The following LPP variants were observed in gnomAD, a reference collection of about 807,000 sequenced individuals.
LPP encodes LIM domain containing preferred translocation partner in lipoma, also known as lipoma-preferred partner.
LPP carries 38 observed loss-of-function variants against 60.4 expected under a neutral mutation model. The observed-to-expected ratio is 0.63, with a 90% CI of 0.49 to 0.83. The LOEUF (loss-of-function observed/expected upper bound fraction) is 0.83, where lower values mean the gene tolerates loss of function less well. LPP is among the 40% of genes least tolerant of loss of function. The pLI, the probability that LPP is intolerant of heterozygous loss-of-function variation, is 0.00. For synonymous variants in LPP, 328 were observed against 290.8 expected (o/e 1.13, Z -1.30); for missense variants, 902 against 783.6 (o/e 1.15, Z -1.80).
rs535529695 is a variant in LPP at position 188,422,641 on chromosome 3, A to G, written c.193+16328A>G. On this transcript the variant is annotated intron_variant, in intron 4 of 11. Transcript: ENST00000617246. The stretch of plus-strand genomic sequence containing the variant: ...AGAAAAAGAACAGGAACTCCTAACA[A>G]CCTAAAATGCATGCCTTGTGCAATA... Among the ~76,000 whole-genome samples, 6 of 152,238 alleles carry G rather than the reference A, an allele frequency of 3.9e-5. No individual in the cohort carries two copies. The South Asian group carries it at 1.2e-3, about 32-fold the overall frequency.
At chr3:188,186,464 A>T (rs1438569551) in intron 1 of LPP, among the ~76,000 whole-genome samples, 2 of 152,176 alleles carry the variant, frequency 1.3e-5, no homozygotes, top group South Asian at 2.1e-4. Context: ...GCATTTAATG[A>T]TCTTCAAAAG....
chr3:188,687,775 C>CTTTTTTTTTT lies in LPP; in HGVS notation c.1114-20484_1114-20475dup, dbSNP rs61574227. 1.2e-3 allele frequency among the ~76,000 whole-genome samples: 153 copies of CTTTTTTTTTT among 127,128 alleles called. 4 individuals carry two copies. The highest frequency in any genetic ancestry group is 3.5e-3 in the African/African-American group (119 of 33,860). 83.4% of individuals were successfully genotyped at this position (127,128 alleles called of 152,430 possible). ...CCTGTCTAACCAGCTGTCTTATACT[C>CTTTTTTTTTT]TTTTTTTTTTTTTTTTTGAGATGAA... On this transcript the variant is annotated intron_variant, in intron 7 of 11. Transcript: ENST00000617246.
chr3:188,161,208 T>C (rs1560071328), intron 1 of LPP, among the ~76,000 whole-genome samples: 1 of 152,016 alleles, frequency 6.6e-6, no homozygotes. Context: ...AGGAGGGCCT[T>C]GTTGGATCTG....
intron 5 of LPP, among the ~76,000 whole-genome samples, chr3:188,511,908 T>C (rs1268580527): frequency 6.6e-6 from 1 of 152,208 alleles, no homozygotes; most frequent in African/African-American, 2.4e-5. Flanking sequence ...CTAGTAATAT[T>C]GCTGGCTTGT....
chr3:188,271,584 G>A (rs575022883), intron 2 of LPP, among the ~76,000 whole-genome samples: 9 of 152,168 alleles, frequency 5.9e-5, no homozygotes, highest in Non-Finnish European at 1.0e-4. Flanking sequence ...GTGGACTACG[G>A]TCACTTTCAC....
intron 2 of LPP, among the ~76,000 whole-genome samples, chr3:188,229,368 C>T (rs1471933368): frequency 6.6e-6 from 1 of 152,154 alleles, no homozygotes; most frequent in African/African-American, 2.4e-5. Context: ...TTTACAATTG[C>T]CGACTGTCGC....
At chr3:188,399,337 C>A (rs534735623) in intron 3 of LPP, among the ~76,000 whole-genome samples, 5 of 150,752 alleles carry the variant, frequency 3.3e-5, no homozygotes, top group Admixed American at 1.3e-4. Context: ...CAGGAAGGTA[C>A]TGACTTTTGT....
At chr3:188,586,344 G>A (rs971714682) in intron 6 of LPP, among the ~76,000 whole-genome samples, 27 of 152,086 alleles carry the variant, frequency 1.8e-4, no homozygotes, top group Admixed American at 1.8e-3. Flanking sequence ...AATGAGATAT[G>A]ATTATGGTTT....
chr3:188,765,861 C>CTTTTTTTT lies in LPP; in HGVS notation c.1410+5598_1410+5605dup, dbSNP rs71169019. 1.9e-4 allele frequency among the ~76,000 whole-genome samples: 18 copies of CTTTTTTTT among 92,628 alleles called. 1 individual carries two copies. The highest frequency in any genetic ancestry group is 5.2e-4 in the Admixed American group (4 of 7,746). 60.8% of individuals were successfully genotyped at this position (92,628 alleles called of 152,430 possible). A position where few individuals can be genotyped will look rare whatever the true frequency, so the allele number is the denominator to read the frequency against. On this transcript the variant is annotated intron_variant, in intron 9 of 11. Transcript: ENST00000617246. ...GCAACGTGCAACTTAATGTTCAACT[C>CTTTTTTTT]TTTTTTTTTTTTTTTTTTTTTTTTT...
At chr3:188,360,907 C>CA (rs1769111080) in intron 3 of LPP, among the ~76,000 whole-genome samples, 2 of 152,162 alleles carry the variant, frequency 1.3e-5, no homozygotes. Flanking sequence ...TGCAGAAGCT[C>CA]ATGAAAAAGG....
intron 2 of LPP, among the ~76,000 whole-genome samples, chr3:188,300,369 G>A (rs1277257597): frequency 1.3e-5 from 2 of 151,098 alleles, no homozygotes; most frequent in Non-Finnish European, 2.9e-5. Context: ...TGTGACGAAC[G>A]ATTGTGACTA....
chr3:188,760,593 A>C (rs1189781302), intron 9 of LPP, among the ~76,000 whole-genome samples: 3 of 152,172 alleles, frequency 2.0e-5, no homozygotes, highest in Admixed American at 6.5e-5. Flanking sequence ...GTACAAGCTA[A>C]AATTTTCTTT....
Position 188,883,286 on chromosome 3 carries a change from T to C in LPP, c.*8807T>C. ...GAAGGATGTTCTGAGGGCCAGACAT[T>C]AGAATTTGTGAGTTTTTTTGTTGCT... On this transcript the variant is annotated 3_prime_UTR_variant, in exon 12 of 12. Coordinates refer to ENST00000617246, the MANE Select transcript of LPP (RefSeq NM_001375462.1). 4.7e-6 allele frequency: 1 copy of C among 213,950 alleles called. No individual in the cohort carries two copies. The highest frequency in any genetic ancestry group is 9.5e-6 in the Non-Finnish European group (1 of 105,798). 13.3% of individuals were successfully genotyped at this position (213,950 alleles called of 1,614,324 possible).
At chr3:188,682,288 A>G (rs1362762937) in intron 7 of LPP, among the ~76,000 whole-genome samples, 1 of 152,252 alleles carries the variant, frequency 6.6e-6, no homozygotes, top group African/African-American at 2.4e-5. Context: ...CATGATGCAT[A>G]TGCAAGAAAT....
intron 5 of LPP, among the ~76,000 whole-genome samples, chr3:188,506,270 G>A (rs1341651655): frequency 6.6e-6 from 1 of 152,082 alleles, no homozygotes; most frequent in African/African-American, 2.4e-5. Context: ...CAAAAATGAG[G>A]ATATTAATAA....
At chr3:188,584,387 T>C (rs942267811) in intron 6 of LPP, 2 of 152,160 alleles carry the variant, frequency 1.3e-5, no homozygotes, top group South Asian at 2.1e-4. Flanking sequence ...GAAAACTTTT[T>C]CCGTAGGTTG....
chr3:188,804,282 T>TAA (rs1404069103), intron 9 of LPP, among the ~76,000 whole-genome samples: 8 of 123,146 alleles, frequency 6.5e-5, no homozygotes, highest in Non-Finnish European at 1.0e-4. Context: ...TATATATATA[T>TAA]AAAATGGAAT....
At chr3:188,702,529 A>T (rs1407292477) in intron 7 of LPP, among the ~76,000 whole-genome samples, 1 of 151,906 alleles carries the variant, frequency 6.6e-6, no homozygotes, top group Non-Finnish European at 1.5e-5. Flanking sequence ...TAGAGACAGG[A>T]TCTCTGAATA....
intron 1 of LPP, among the ~76,000 whole-genome samples, chr3:188,189,665 TA>T (rs202212476): frequency 4.1e-5 from 6 of 147,388 alleles, no homozygotes; most frequent in Admixed American, 6.8e-5. Flanking sequence ...TTGAAAAGAA[TA>T]AAAAAAAAAG....
Sources: gnomAD v4.1 joint callset for allele counts (sites outside exome capture counted in the v4.1 genomes callset) on GRCh38, gnomAD v4.1.1 for gene constraint, MANE v1.5 for transcripts, NCBI Gene and HGNC (gene_info 2026-07-23, HGNC 2026-07-21) for gene names.